The following C10orf90 variants were observed in gnomAD, a reference collection of about 807,000 sequenced individuals.
C10orf90 encodes chromosome 10 open reading frame 90.
A neutral mutation model predicts 62.5 loss-of-function variants in C10orf90; 56 were observed. The ratio of observed to expected loss-of-function variants is 0.90; its 90% CI spans 0.72 to 1.12. The LOEUF is 1.12. C10orf90 is among the 50% of genes most tolerant of loss of function. The pLI, the probability that C10orf90 is intolerant of heterozygous loss-of-function variation, is 0.00. For missense variants in C10orf90, 970 were observed against 880.4 expected (o/e 1.10, Z -1.29); for synonymous variants, 386 against 340.4 (o/e 1.13, Z -1.47).
intron 2 of C10orf90, among the ~76,000 whole-genome samples, chr10:126,608,760 T>C (rs892666583): frequency 2.0e-5 from 3 of 152,244 alleles, no homozygotes; most frequent in African/African-American, 7.2e-5. Flanking sequence ...CATACTGTTT[T>C]TGTTAGAAAA....
At chr10:126,530,853 AAG>A (rs1359100421) in intron 2 of C10orf90, among the ~76,000 whole-genome samples, 2 of 152,122 alleles carry the variant, frequency 1.3e-5, no homozygotes, top group East Asian at 3.8e-4. Context: ...AAAAAAGCAA[AAG>A]AGAGAGGGAG....
At chr10:126,477,047 C>T (rs1354009065) in intron 4 of C10orf90, among the ~76,000 whole-genome samples, 4 of 135,404 alleles carry the variant, frequency 3.0e-5, no homozygotes, top group African/African-American at 8.2e-5. Context: ...GCAGCTGGGA[C>T]TACAGGTGCC....
At position 126,661,350 on chromosome 10, in the gene C10orf90, C is replaced by T. The variant is rs746822911; in HGVS notation, c.240+8891G>A. On this transcript the variant is annotated intron_variant, in intron 1 of 9. Transcript: ENST00000488181. ...TTATCTCTTTTAATGCCCCCAGCAA[C>T]GCTATAAGGCAGATATTATCATTGT... 1.1e-4 allele frequency among the ~76,000 whole-genome samples: 16 copies of T among 152,302 alleles called. 1 individual carries two copies. In the South Asian group the frequency reaches 2.3e-3, roughly 22 times the overall value.
Position 126,504,237 on chromosome 10 carries a change from C to T in C10orf90, c.1254G>A (p.Gln418=), listed in dbSNP as rs759721062. 5 of 1,614,182 alleles carry T rather than the reference C, an allele frequency of 3.1e-6. No individual in the cohort carries two copies. The highest frequency in any genetic ancestry group is 1.3e-5 in the African/African-American group (1 of 75,050). ...GGTCCTGGTCTCCCTCCAGGAGCTC[C>T]TGCTTCAGGGCTTCGCTTATTGGCT... ...NREPISEALK[Q]ELLEGDQDLV... The change falls in exon 4 of 10, where the codon CAG becomes CAA. Residue 418 remains glutamine, a synonymous_variant. Coordinates refer to ENST00000488181, the MANE Select transcript of C10orf90 (RefSeq NM_001350921.2). The surrounding 1 kb of genome is among the most constrained non-coding windows in gnomAD (Gnocchi z 4.1).
At position 126,501,591 on chromosome 10, in the gene C10orf90, T is replaced by A. The variant is rs547318592; in HGVS notation, c.1534+2366A>T. Among the ~76,000 whole-genome samples, 6 of 152,250 alleles carry A rather than the reference T, an allele frequency of 3.9e-5. No individual in the cohort carries two copies. In the East Asian group the frequency reaches 1.2e-3, roughly 29 times the overall value. The stretch of plus-strand genomic sequence containing the variant: ...GATGGGACCTCGAAAACACCCAATC[T>A]ACCCCCTGCTCTAGTTACCCAGATG... On this transcript the variant is annotated intron_variant, in intron 4 of 9. Coordinates refer to ENST00000488181, the MANE Select transcript of C10orf90 (RefSeq NM_001350921.2).
chr10:126,662,299 G>A (rs532125977), intron 1 of C10orf90, among the ~76,000 whole-genome samples: 2 of 152,202 alleles, frequency 1.3e-5, no homozygotes, highest in East Asian at 3.9e-4. Flanking sequence ...ATTCCAGGTG[G>A]TAAAGGACCC....
chr10:126,666,703 G>A (rs2133879061), intron 1 of C10orf90, among the ~76,000 whole-genome samples: 1 of 152,150 alleles, frequency 6.6e-6, no homozygotes, highest in South Asian at 2.1e-4. Flanking sequence ...ATGAGGCCAG[G>A]CACGGTGGCT....
At chr10:126,624,302 T>C (rs1344683819) in intron 2 of C10orf90, among the ~76,000 whole-genome samples, 1 of 151,780 alleles carries the variant, frequency 6.6e-6, no homozygotes, top group Non-Finnish European at 1.5e-5. Flanking sequence ...GCTGAGATTG[T>C]GCCACTGCAA....
At chr10:126,492,835 T>C (rs1158269037) in intron 4 of C10orf90, among the ~76,000 whole-genome samples, 3 of 152,224 alleles carry the variant, frequency 2.0e-5, no homozygotes, top group Non-Finnish European at 4.4e-5. Context: ...GAGTGTTATT[T>C]GGAAATCTAG....
chr10:126,428,334 G>A lies in C10orf90; in HGVS notation c.2252+1453C>T, dbSNP rs1316467541. Among the ~76,000 whole-genome samples, 3 of 152,122 alleles carry A rather than the reference G, an allele frequency of 2.0e-5. No individual in the cohort carries two copies. The East Asian group carries it at 5.8e-4, about 29-fold the overall frequency. ...AGGGAGGGGAACTGCTGGTCATGAAGAGACTTTAGCTTTATCTCCATTGTT... is the reference window on the plus strand; with the variant it reads ...AGGGAGGGGAACTGCTGGTCATGAAAAGACTTTAGCTTTATCTCCATTGTT... On this transcript the variant is annotated intron_variant, in intron 8 of 9. Coordinates refer to ENST00000488181, the MANE Select transcript of C10orf90 (RefSeq NM_001350921.2).
chr10:126,668,764 A>G (rs1846685792), intron 1 of C10orf90, among the ~76,000 whole-genome samples: 1 of 152,146 alleles, frequency 6.6e-6, no homozygotes, highest in Non-Finnish European at 1.5e-5. Flanking sequence ...TGGATCTGGC[A>G]TTCATTTTAA....
At chr10:126,442,325 T>C (rs937651440) in intron 7 of C10orf90, among the ~76,000 whole-genome samples, 15 of 151,084 alleles carry the variant, frequency 9.9e-5, no homozygotes, top group Non-Finnish European at 2.1e-4. Flanking sequence ...CATTACATGA[T>C]GATAAAAGGC....
intron 2 of C10orf90, among the ~76,000 whole-genome samples, chr10:126,626,551 C>T (rs147519849): frequency 4.2e-4 from 64 of 152,314 alleles, no homozygotes; most frequent in Admixed American, 2.2e-3. Flanking sequence ...CTTACCCTGG[C>T]TTGAGATATG....
intron 4 of C10orf90, among the ~76,000 whole-genome samples, chr10:126,500,133 A>C (rs1444402221): frequency 2.6e-5 from 4 of 152,234 alleles, no homozygotes; most frequent in African/African-American, 7.2e-5. Context: ...ATTAACTTGC[A>C]GTTCACTCTC....
intron 2 of C10orf90, among the ~76,000 whole-genome samples, chr10:126,627,518 G>A (rs981014710): frequency 6.6e-6 from 1 of 151,822 alleles, no homozygotes; most frequent in African/African-American, 2.4e-5. Flanking sequence ...GGAAATCATG[G>A]CTGAAATTCC....
intron 4 of C10orf90, among the ~76,000 whole-genome samples, chr10:126,490,071 A>C (rs1363276937): frequency 8.7e-6 from 1 of 115,028 alleles, no homozygotes; most frequent in South Asian, 2.3e-4. Context: ...AATATATAAT[A>C]TATAATATAA....
At chr10:126,637,886 T>C (rs1175749080) in intron 2 of C10orf90, among the ~76,000 whole-genome samples, 1 of 151,954 alleles carries the variant, frequency 6.6e-6, no homozygotes, top group Non-Finnish European at 1.5e-5. Context: ...TGGCTGTAGA[T>C]GGAGATGAGA....
At chr10:126,666,612 C>A (rs1361018497) in intron 1 of C10orf90, among the ~76,000 whole-genome samples, 2 of 152,084 alleles carry the variant, frequency 1.3e-5, no homozygotes, top group Non-Finnish European at 2.9e-5. Context: ...ATTGCCAATG[C>A]CTTCACGCTG....
intron 1 of C10orf90, among the ~76,000 whole-genome samples, chr10:126,649,752 G>T (rs956759866): frequency 3.9e-5 from 6 of 152,186 alleles, no homozygotes; most frequent in Non-Finnish European, 5.9e-5. Flanking sequence ...GAAGAAAGTT[G>T]TTGGCCTCAC....
Sources: gnomAD v4.1 joint callset for allele counts (sites outside exome capture counted in the v4.1 genomes callset) on GRCh38, gnomAD v4.1.1 for gene constraint, Gnocchi (gnomAD v3.1) non-coding constraint, MANE v1.5 for transcripts, NCBI Gene and HGNC (gene_info 2026-07-23, HGNC 2026-07-21) for gene names.